Variants in ZNF609 observed in about 807,000 individuals in gnomAD.
ZNF609 encodes the protein zinc finger protein 609.
ZNF609 carries 11 observed loss-of-function variants against 109.5 expected under a neutral mutation model. The observed-to-expected ratio is 0.10, with a 90% CI of 0.06 to 0.17. ZNF609 has a LOEUF of 0.17. Ranked by LOEUF, ZNF609 falls within the 10% of genes least tolerant of loss-of-function variation. The pLI is 1.00. For missense variants in ZNF609, 1,559 were observed against 1,772.4 expected (o/e 0.88, Z 2.16); for synonymous variants, 646 against 662.0 (o/e 0.98, Z 0.37).
chr15:64,675,477 G>A lies in ZNF609; in HGVS notation c.2623G>A (p.Ala875Thr). ...CGCCGAACAGTTGGTTAAAGAAGGG[G>A]CTAAGAAAACTCTTTTTCCCCCTCA... ...KDAEQLVKEG[A>T]KKTLFPPQPQ... is the part of the protein sequence containing the mutation. Residue 875 changes from alanine (A) to threonine (T), a missense_variant, in exon 5 of 10, where the codon GCT (alanine) becomes ACT (threonine). Coordinates refer to ENST00000326648, the MANE Select transcript of ZNF609 (RefSeq NM_015042.2). 6.2e-7 allele frequency: 1 copy of A among 1,614,108 alleles called. No homozygotes were observed. The highest frequency in any genetic ancestry group is 1.3e-5 in the African/African-American group (1 of 75,016).
At chr15:64,648,115 T>G (rs964772256) in intron 3 of ZNF609, among the ~76,000 whole-genome samples, 13 of 152,210 alleles carry the variant, frequency 8.5e-5, no homozygotes, top group African/African-American at 3.1e-4. Context: ...GCGTAAACCA[T>G]TTAGTGTTTT....
chr15:64,557,586 A>C (rs1894609798), intron 2 of ZNF609, among the ~76,000 whole-genome samples: 1 of 152,216 alleles, frequency 6.6e-6, no homozygotes, highest in Non-Finnish European at 1.5e-5. Flanking sequence ...ATTTGGCATG[A>C]ATCTTATAAT....
At chr15:64,567,549 G>A (rs972429212) in intron 2 of ZNF609, among the ~76,000 whole-genome samples, 3 of 151,810 alleles carry the variant, frequency 2.0e-5, no homozygotes, top group Non-Finnish European at 2.9e-5. Flanking sequence ...TCTTGTGGAA[G>A]AAATAAAGTT....
At chr15:64,471,774 G>A (rs1566992379) in intron 1 of ZNF609, among the ~76,000 whole-genome samples, 1 of 151,964 alleles carries the variant, frequency 6.6e-6, no homozygotes, top group Non-Finnish European at 1.5e-5. Flanking sequence ...GTGGAGATGG[G>A]GTTTCTCCAT....
At chr15:64,605,438 C>T (rs1483447467) in intron 2 of ZNF609, among the ~76,000 whole-genome samples, 1 of 152,146 alleles carries the variant, frequency 6.6e-6, no homozygotes, top group East Asian at 1.9e-4. Flanking sequence ...GCCTGGAAAT[C>T]TGAATAGAGA....
chr15:64,521,797 A>G (rs1346473853), intron 2 of ZNF609, among the ~76,000 whole-genome samples: 2 of 152,132 alleles, frequency 1.3e-5, no homozygotes, highest in Non-Finnish European at 2.9e-5. Flanking sequence ...CTTCTGAGGA[A>G]AAAAGGAAGA....
intron 1 of ZNF609, among the ~76,000 whole-genome samples, chr15:64,466,305 A>G (rs1486978328): frequency 6.6e-6 from 1 of 152,180 alleles, no homozygotes. Flanking sequence ...ACTTGTAAGC[A>G]AGTAACTTTG....
At chr15:64,578,524 C>T (rs979955206) in intron 2 of ZNF609, among the ~76,000 whole-genome samples, 1 of 152,070 alleles carries the variant, frequency 6.6e-6, no homozygotes, top group African/African-American at 2.4e-5. Context: ...GAATCCCCGT[C>T]TCTACTAAAA....
chr15:64,637,010 A>G (rs928246564), intron 3 of ZNF609, among the ~76,000 whole-genome samples: 2 of 152,216 alleles, frequency 1.3e-5, no homozygotes, highest in Admixed American at 1.3e-4. Flanking sequence ...CTAGATGAGG[A>G]AACACAGTAT....
intron 2 of ZNF609, among the ~76,000 whole-genome samples, chr15:64,587,544 G>A (rs1040445771): frequency 1.3e-5 from 2 of 152,116 alleles, no homozygotes; most frequent in African/African-American, 4.8e-5. Flanking sequence ...CATTTGTGGC[G>A]AGACTAGTAA....
rs368660859 is a variant in ZNF609 at position 64,675,224 on chromosome 15, T to C, written c.2370T>C (p.Ala790=). 8.7e-6 allele frequency: 14 copies of C among 1,613,852 alleles called. No individual in the cohort carries two copies. In the African/African-American group the frequency reaches 1.7e-4, roughly 20 times the overall value. ...AAAGCCGACTGGCTAGCATCAAGGC[T>C]GAAGCCGACAAGATCTACAGTTTCA... The part of the protein sequence containing the change: ...PHQSRLASIK[A]EADKIYSFTD... The change falls in exon 5 of 10, where the codon GCT becomes GCC. Residue 790 remains alanine (A), a synonymous_variant. Transcript: ENST00000326648.
intron 3 of ZNF609, among the ~76,000 whole-genome samples, chr15:64,653,229 G>C (rs1441649732): frequency 6.6e-6 from 1 of 152,218 alleles, no homozygotes; most frequent in East Asian, 1.9e-4. Flanking sequence ...TCCTTAGACA[G>C]ATTAGGATAT....
At chr15:64,627,061 T>C (rs112691501) in intron 3 of ZNF609, among the ~76,000 whole-genome samples, 7,313 of 151,978 alleles carry the variant, frequency 0.048, 234 homozygotes, top group South Asian at 0.086. Context: ...ATGCAAAAAT[T>C]AGCCTGTAAT....
At chr15:64,489,354 T>G (rs1893378380) in intron 1 of ZNF609, among the ~76,000 whole-genome samples, 1 of 149,712 alleles carries the variant, frequency 6.7e-6, no homozygotes, top group South Asian at 2.1e-4. Flanking sequence ...CCCGGCTAAT[T>G]TTTTTTTAGT....
intron 1 of ZNF609, among the ~76,000 whole-genome samples, chr15:64,470,891 A>G (rs966902811): frequency 6.6e-6 from 1 of 152,234 alleles, no homozygotes; most frequent in African/African-American, 2.4e-5. Context: ...GATTTTTATC[A>G]GCATTTTTCA....
intron 2 of ZNF609, among the ~76,000 whole-genome samples, chr15:64,551,985 C>A (rs185612113): frequency 0.13 from 11,479 of 91,654 alleles, 747 homozygotes; most frequent in Non-Finnish European, 0.15. Context: ...GACTCTGTCT[C>A]AAAAAAAAAA....
chr15:64,675,095 T>C lies in ZNF609; in HGVS notation c.2241T>C (p.Pro747=), dbSNP rs1454979228. 2 of 1,614,034 alleles carry C rather than the reference T, an allele frequency of 1.2e-6. No individual in the cohort carries two copies. The highest frequency in any genetic ancestry group is 1.7e-6 in the Non-Finnish European group (2 of 1,180,012). ...SSKELESPLT[P]GKVCRAEEGK... ...AGGAACTTGAAAGTCCTCTGACCCCTGGGAAGGTGTGTCGAGCAGAGGAAG... is the reference window on the plus strand; with the variant it reads ...AGGAACTTGAAAGTCCTCTGACCCCCGGGAAGGTGTGTCGAGCAGAGGAAG... The change falls in exon 5 of 10, where the codon CCT becomes CCC. Residue 747 remains proline, a synonymous_variant. Coordinates refer to ENST00000326648, the MANE Select transcript of ZNF609 (RefSeq NM_015042.2).
intron 2 of ZNF609, among the ~76,000 whole-genome samples, chr15:64,537,381 A>G (rs962212604): frequency 1.3e-5 from 2 of 151,908 alleles, no homozygotes; most frequent in African/African-American, 4.8e-5. Flanking sequence ...CATGCCTGTA[A>G]TCCCAGCTAC....
At chr15:64,617,005 A>C (rs1382933564) in intron 2 of ZNF609, among the ~76,000 whole-genome samples, 1 of 146,784 alleles carries the variant, frequency 6.8e-6, no homozygotes, top group Non-Finnish European at 1.5e-5. Context: ...ATGGGGTTTC[A>C]CCATGTTGGC....
Sources: allele counts gnomAD v4.1 joint callset (sites outside exome capture counted in the v4.1 genomes callset), GRCh38; gene constraint gnomAD v4.1.1; transcripts MANE v1.5; gene names NCBI Gene and HGNC (gene_info 2026-07-23, HGNC 2026-07-21).